GRID2: variants seen among roughly 807,000 people sequenced by gnomAD.
GRID2 encodes glutamate ionotropic receptor delta type subunit 2.
A neutral mutation model predicts 114.8 loss-of-function variants in GRID2; 33 were observed. The ratio of observed to expected loss-of-function variants is 0.29; its 90% CI spans 0.22 to 0.38. The LOEUF (loss-of-function observed/expected upper bound fraction) is 0.38, where lower values mean the gene tolerates loss of function less well. Among genes scored for constraint, GRID2 ranks in the 10% least tolerant of loss-of-function variants. The pLI is 1.00. For synonymous variants in GRID2, 505 were observed against 449.9 expected (o/e 1.12, Z -1.55); for missense variants, 1,184 against 1,257.7 (o/e 0.94, Z 0.89).
chr4:92,769,788 A>C (rs574499055), intron 2 of GRID2, among the ~76,000 whole-genome samples: 4 of 152,148 alleles, frequency 2.6e-5, no homozygotes, highest in Non-Finnish European at 5.9e-5. Context: ...AAGCCCCTAG[A>C]CTGCACATAG....
intron 1 of GRID2, among the ~76,000 whole-genome samples, chr4:92,340,491 T>C (rs1727427209): frequency 6.6e-6 from 1 of 152,170 alleles, no homozygotes; most frequent in Non-Finnish European, 1.5e-5. Context: ...TGCTTCCTGA[T>C]CTTTGACTTT....
intron 2 of GRID2, among the ~76,000 whole-genome samples, chr4:92,951,968 A>G (rs1352516157): frequency 6.6e-6 from 1 of 152,194 alleles, no homozygotes; most frequent in East Asian, 1.9e-4. Context: ...ATTGATAGAT[A>G]AGGCTTTCCT....
At chr4:93,637,495 A>T (rs1163779132) in intron 14 of GRID2, among the ~76,000 whole-genome samples, 2 of 152,136 alleles carry the variant, frequency 1.3e-5, no homozygotes. Flanking sequence ...GATAATAAGG[A>T]TCTAAATTGT....
chr4:92,825,531 T>C (rs565600972), intron 2 of GRID2, among the ~76,000 whole-genome samples: 1 of 152,298 alleles, frequency 6.6e-6, no homozygotes, highest in Admixed American at 6.5e-5. Context: ...CTTGTCTGTT[T>C]GCTCTAACAT....
At chr4:92,425,504 T>C (rs536088993) in intron 1 of GRID2, among the ~76,000 whole-genome samples, 89 of 152,256 alleles carry the variant, frequency 5.8e-4, no homozygotes, top group Non-Finnish European at 1.3e-4. Flanking sequence ...GGATATTTCA[T>C]GAAACGATGA....
chr4:93,134,979 A>G (rs1579084662), intron 4 of GRID2, among the ~76,000 whole-genome samples: 1 of 152,126 alleles, frequency 6.6e-6, no homozygotes, highest in South Asian at 2.1e-4. Flanking sequence ...CAGCTTTCCT[A>G]TATTTATGAT....
intron 12 of GRID2, among the ~76,000 whole-genome samples, chr4:93,492,159 A>G (rs1264075625): frequency 1.3e-5 from 2 of 151,934 alleles, no homozygotes; most frequent in Non-Finnish European, 2.9e-5. Flanking sequence ...GAAAATGATT[A>G]CAACAGCCCA....
intron 2 of GRID2, among the ~76,000 whole-genome samples, chr4:92,847,864 AATG>A (rs1313271220): frequency 2.0e-5 from 3 of 151,924 alleles, no homozygotes; most frequent in Non-Finnish European, 2.9e-5. Flanking sequence ...CTTATATAAT[AATG>A]ATATATATGT....
chr4:93,506,775 C>T (rs1728673329), intron 12 of GRID2, among the ~76,000 whole-genome samples: 1 of 152,146 alleles, frequency 6.6e-6, no homozygotes, highest in South Asian at 2.1e-4. Flanking sequence ...AAAATGGAGT[C>T]CTAACCCTCT....
At chr4:92,497,391 A>G (rs753767513) in intron 1 of GRID2, among the ~76,000 whole-genome samples, 4 of 151,888 alleles carry the variant, frequency 2.6e-5, no homozygotes, top group Admixed American at 2.0e-4. Context: ...AATCTGAAAG[A>G]AGGTCTGTGA....
At chr4:92,968,374 A>C (rs1331051659) in intron 2 of GRID2, among the ~76,000 whole-genome samples, 1 of 151,968 alleles carries the variant, frequency 6.6e-6, no homozygotes, top group Non-Finnish European at 1.5e-5. Context: ...CAATTTTACT[A>C]TTCTGGATTG....
chr4:93,686,110 C>G (rs542159203), intron 14 of GRID2, among the ~76,000 whole-genome samples: 3 of 152,126 alleles, frequency 2.0e-5, no homozygotes, highest in Admixed American at 2.0e-4. Context: ...AATGAACTCT[C>G]TGTCTCTCCA....
intron 2 of GRID2, among the ~76,000 whole-genome samples, chr4:92,964,635 A>G (rs1753021061): frequency 6.6e-6 from 1 of 152,074 alleles, no homozygotes; most frequent in Non-Finnish European, 1.5e-5. Flanking sequence ...TAGCTTCTAC[A>G]TCAGCACTTG....
intron 2 of GRID2, among the ~76,000 whole-genome samples, chr4:92,631,937 A>G (rs965975867): frequency 3.3e-5 from 5 of 152,188 alleles, no homozygotes; most frequent in African/African-American, 1.2e-4. Flanking sequence ...TTTCTGCCCA[A>G]GAAAACACTT....
intron 1 of GRID2, among the ~76,000 whole-genome samples, chr4:93,791,446 A>G (rs1734692559): frequency 1.3e-5 from 2 of 152,198 alleles, no homozygotes; most frequent in African/African-American, 4.8e-5. Flanking sequence ...AGGTCTATTT[A>G]GAGAAGCTCT....
chr4:92,417,539 T>G (rs1056439886), intron 1 of GRID2, among the ~76,000 whole-genome samples: 1 of 151,910 alleles, frequency 6.6e-6, no homozygotes, highest in Non-Finnish European at 1.5e-5. Flanking sequence ...AACAAAAAGG[T>G]AAAGGCACAA....
At chr4:92,874,919 G>A (rs1745512208) in intron 2 of GRID2, among the ~76,000 whole-genome samples, 2 of 152,002 alleles carry the variant, frequency 1.3e-5, no homozygotes, top group South Asian at 4.1e-4. Context: ...CTGGTGTTTT[G>A]TTGTTGGTAA....
intron 2 of GRID2, among the ~76,000 whole-genome samples, chr4:92,697,632 C>CT (rs1560538493): frequency 6.6e-6 from 1 of 151,936 alleles, no homozygotes; most frequent in East Asian, 1.9e-4. Flanking sequence ...TATATGTGAG[C>CT]TTTTTTGACA....
intron 12 of GRID2, among the ~76,000 whole-genome samples, chr4:93,513,736 A>G (rs1451279715): frequency 6.6e-6 from 1 of 152,218 alleles, no homozygotes; most frequent in Non-Finnish European, 1.5e-5. Flanking sequence ...ACAAAACTCA[A>G]TAAAATGCAG....
Sources: allele counts gnomAD v4.1 joint callset (sites outside exome capture counted in the v4.1 genomes callset), GRCh38; gene constraint gnomAD v4.1.1; transcripts MANE v1.5; gene names NCBI Gene and HGNC (gene_info 2026-07-23, HGNC 2026-07-21).